Variants in TMEM178A observed in about 807,000 individuals in gnomAD.
TMEM178A encodes the protein transmembrane protein 178A, also known as transmembrane protein 178.
In TMEM178A, 12 loss-of-function variants were observed where a neutral mutation model predicts 29.1. That is an observed-to-expected ratio of 0.41 (90% confidence interval 0.26 to 0.67). TMEM178A has a LOEUF of 0.67. Ranked by LOEUF, TMEM178A falls within the 30% of genes least tolerant of loss-of-function variation. The pLI is 0.29. For synonymous variants in TMEM178A, 210 were observed against 187.2 expected, an observed-to-expected ratio of 1.12 and a Z score of -0.99; for missense variants, 366 against 419.1, an observed-to-expected ratio of 0.87 and a Z score of 1.11.
At chr2:39,705,660 C>G (rs893347413) in intron 2 of TMEM178A, among the ~76,000 whole-genome samples, 20 of 152,330 alleles carry the variant, frequency 1.3e-4, no homozygotes, top group African/African-American at 4.6e-4. Flanking sequence ...GGGATGGTCT[C>G]TCTGTGGCTA....
chr2:39,724,924 A>G, the TMEM178A span, among the ~76,000 whole-genome samples: 3 of 152,236 alleles, frequency 2.0e-5, no homozygotes, highest in Admixed American at 2.0e-4. Context: ...GTAAATCGCT[A>G]TCATGCCAAC....
intron 3 of TMEM178A, 58 bp from the exon 4 acceptor site, chr2:39,716,952 T>A: frequency 6.4e-7 from 1 of 1,560,694 alleles, no homozygotes. Flanking sequence ...TGTCTGGCAT[T>A]TGTCTTGTAA....
At chr2:39,708,687 G>C (rs1350537120) in intron 3 of TMEM178A, among the ~76,000 whole-genome samples, 4 of 152,056 alleles carry the variant, frequency 2.6e-5, no homozygotes, top group Admixed American at 2.6e-4. Context: ...AAAGTGCTGG[G>C]ATTACAGGCG....
downstream of TMEM178A, among the ~76,000 whole-genome samples, chr2:39,719,131 C>T (rs1672650500): frequency 6.6e-6 from 1 of 152,168 alleles, no homozygotes; most frequent in South Asian, 2.1e-4. Flanking sequence ...CTGGCACTCT[C>T]TCAGGCCTTT....
intron 3 of TMEM178A, among the ~76,000 whole-genome samples, chr2:39,716,724 A>G (rs749930016): frequency 3.9e-5 from 6 of 152,172 alleles, no homozygotes; most frequent in Non-Finnish European, 8.8e-5. Flanking sequence ...AAGAATTCCA[A>G]TATATATAAC....
At chr2:39,670,191 G>T (rs1670352588) in intron 1 of TMEM178A, among the ~76,000 whole-genome samples, 1 of 152,160 alleles carries the variant, frequency 6.6e-6, no homozygotes. Flanking sequence ...GTGGGGGGCG[G>T]GGTCTGAAAG....
intron 1 of TMEM178A, among the ~76,000 whole-genome samples, chr2:39,680,006 G>T (rs185377508): frequency 6.6e-6 from 1 of 152,216 alleles, no homozygotes; most frequent in African/African-American, 2.4e-5. Flanking sequence ...CAAGAGACCG[G>T]TGGTTTTACT....
At chr2:39,720,195 T>C (rs13429813), downstream of TMEM178A, among the ~76,000 whole-genome samples, 744 of 152,282 alleles carry the variant, frequency 4.9e-3, 9 homozygotes, top group African/African-American at 0.017. Context: ...CCCTGGCAAG[T>C]TAAAAAAATA....
At chr2:39,710,165 C>A (rs1193743118) in intron 3 of TMEM178A, among the ~76,000 whole-genome samples, 1 of 152,158 alleles carries the variant, frequency 6.6e-6, no homozygotes, top group African/African-American at 2.4e-5. Flanking sequence ...TGTTAGGCAA[C>A]ATCAAAATAT....
At chr2:39,696,149 G>T (rs1671533079) in intron 1 of TMEM178A, among the ~76,000 whole-genome samples, 1 of 152,152 alleles carries the variant, frequency 6.6e-6, no homozygotes, top group African/African-American at 2.4e-5. Flanking sequence ...TGGCATGCAG[G>T]GTAGGTTGAG....
chr2:39,715,233 A>G (rs531133924), intron 3 of TMEM178A, among the ~76,000 whole-genome samples: 32 of 152,358 alleles, frequency 2.1e-4, no homozygotes, highest in East Asian at 1.5e-3. Flanking sequence ...CTATGTGCAA[A>G]CAGCTAAATG....
chr2:39,679,955 G>A (rs903739869), intron 1 of TMEM178A, among the ~76,000 whole-genome samples: 4 of 152,118 alleles, frequency 2.6e-5, no homozygotes, highest in Non-Finnish European at 5.9e-5. Context: ...CACGTGGGGT[G>A]TGAGGGTGCT....
chr2:39,715,121 C>A (rs1312456209), intron 3 of TMEM178A, among the ~76,000 whole-genome samples: 1 of 152,168 alleles, frequency 6.6e-6, no homozygotes, highest in Non-Finnish European at 1.5e-5. Context: ...ACCCAATGCA[C>A]TTGGACATGA....
intron 3 of TMEM178A, among the ~76,000 whole-genome samples, chr2:39,711,403 C>T (rs906604258): frequency 6.6e-6 from 1 of 151,964 alleles, no homozygotes; most frequent in African/African-American, 2.4e-5. Flanking sequence ...TTTAATTCAC[C>T]AGGAGTCTTA....
At chr2:39,722,885 C>G (rs1672729986), downstream of TMEM178A, among the ~76,000 whole-genome samples, 1 of 152,172 alleles carries the variant, frequency 6.6e-6, no homozygotes, top group South Asian at 2.1e-4. Context: ...ACTGTACCCT[C>G]AAGTTCATCA....
At chr2:39,672,091 A>G (rs1341358481) in intron 1 of TMEM178A, among the ~76,000 whole-genome samples, 1 of 152,252 alleles carries the variant, frequency 6.6e-6, no homozygotes, top group Non-Finnish European at 1.5e-5. Flanking sequence ...GAGGCTGAAC[A>G]TACCCAAGTG....
the TMEM178A span, among the ~76,000 whole-genome samples, chr2:39,731,106 C>T: frequency 1.3e-5 from 2 of 152,172 alleles, no homozygotes; most frequent in Non-Finnish European, 2.9e-5. Context: ...GTGAGAAGCA[C>T]TGTTACATGG....
At chr2:39,710,863 A>C (rs1396367682) in intron 3 of TMEM178A, among the ~76,000 whole-genome samples, 4 of 152,234 alleles carry the variant, frequency 2.6e-5, no homozygotes, top group African/African-American at 9.6e-5. Context: ...AAGAACATCA[A>C]CCATGTGACA....
the TMEM178A span, among the ~76,000 whole-genome samples, chr2:39,733,777 T>A: frequency 6.6e-6 from 1 of 152,152 alleles, no homozygotes; most frequent in Non-Finnish European, 1.5e-5. Context: ...AATTTGAGAA[T>A]GAAAAAATTT....
Sources: allele counts gnomAD v4.1 joint callset (sites outside exome capture counted in the v4.1 genomes callset), GRCh38; gene constraint gnomAD v4.1.1; transcripts MANE v1.5; gene names NCBI Gene and HGNC (gene_info 2026-07-23, HGNC 2026-07-21).